The following TENM2 variants were observed in gnomAD, a reference collection of about 807,000 sequenced individuals.
TENM2 encodes the protein teneurin-2.
A neutral mutation model predicts 245.2 loss-of-function variants in TENM2; 52 were observed. That is an observed-to-expected ratio of 0.21 (90% CI 0.17 to 0.27). The LOEUF (loss-of-function observed/expected upper bound fraction) is 0.27. Ranked by LOEUF, TENM2 falls within the 10% of genes least tolerant of loss-of-function variation. The probability of loss-of-function intolerance (pLI) is 1.00; values close to 1 mark genes in which losing one functional copy is unlikely to be tolerated. For missense variants in TENM2, 3,046 were observed against 3,666.8 expected (o/e 0.83, Z 4.37); for synonymous variants, 1,363 against 1,438.9 (o/e 0.95, Z 1.19).
chr5:168,038,913 A>C (rs1336785613), intron 5 of TENM2, among the ~76,000 whole-genome samples: 2 of 152,166 alleles, frequency 1.3e-5, no homozygotes, highest in South Asian at 4.1e-4. Context: ...TGTGGGCTCC[A>C]GAGTTCAGAT....
chr5:167,543,600 A>G (rs2127608330), intron 2 of TENM2, among the ~76,000 whole-genome samples: 1 of 152,328 alleles, frequency 6.6e-6, no homozygotes, highest in African/African-American at 2.4e-5. Context: ...GAGCAACTGC[A>G]ACAAAGTAAC....
chr5:167,878,409 A>C (rs1220523104), intron 3 of TENM2, among the ~76,000 whole-genome samples: 1 of 152,166 alleles, frequency 6.6e-6, no homozygotes, highest in African/African-American at 2.4e-5. Flanking sequence ...GATTTCTTCA[A>C]CTGAGGGAGT....
At chr5:167,646,305 A>C (rs1421731941) in intron 2 of TENM2, among the ~76,000 whole-genome samples, 1 of 149,372 alleles carries the variant, frequency 6.7e-6, no homozygotes, top group Non-Finnish European at 1.5e-5. Context: ...TTCACTGTGT[A>C]ACTATTCTTT....
intron 2 of TENM2, among the ~76,000 whole-genome samples, chr5:167,389,843 A>G (rs886451906): frequency 1.3e-5 from 2 of 152,190 alleles, no homozygotes; most frequent in Non-Finnish European, 2.9e-5. Flanking sequence ...ACGGATCGAA[A>G]TATTTTTATT....
At chr5:167,002,921 A>C in the TENM2 span, among the ~76,000 whole-genome samples, 3 of 152,152 alleles carry the variant, frequency 2.0e-5, no homozygotes, top group Non-Finnish European at 4.4e-5. Flanking sequence ...AATCTCCTTT[A>C]CATGAGAAAT....
At chr5:168,215,003 C>G (rs770300471) in intron 20 of TENM2, 37 bp from the exon 23 acceptor site, 2 of 1,569,196 alleles carry the variant, frequency 1.3e-6, no homozygotes, top group African/African-American at 1.4e-5. Flanking sequence ...GCTCCATAGC[C>G]CCCTCCTCAT....
At chr5:167,088,615 G>A in the TENM2 span, among the ~76,000 whole-genome samples, 1 of 151,042 alleles carries the variant, frequency 6.6e-6, no homozygotes, top group Non-Finnish European at 1.5e-5. Flanking sequence ...TGATAAGAGC[G>A]AGACTCCATC....
At chr5:168,216,732 T>C in intron 21 of TENM2, 36 bp from the exon 24 acceptor site, 1 of 1,612,652 alleles carries the variant, frequency 6.2e-7, no homozygotes, top group Non-Finnish European at 8.5e-7. Flanking sequence ...CCTACACCTT[T>C]CCAAGAGATA....
At chr5:168,030,143 A>C in intron 5 of TENM2, among the ~76,000 whole-genome samples, 1 of 121,824 alleles carries the variant, frequency 8.2e-6, no homozygotes, top group African/African-American at 3.3e-5. Flanking sequence ...CTTTGGCCCA[A>C]GTCTGGTTCT....
exon 21 of TENM2, chr5:168,215,168 A>G: frequency 1.2e-6 from 2 of 1,613,916 alleles, no homozygotes; most frequent in East Asian, 2.2e-5. Flanking sequence ...CTGGCTGGGA[A>G]TTCGGAAGTT....
chr5:167,713,726 A>G (rs748395538), intron 2 of TENM2, among the ~76,000 whole-genome samples: 13 of 152,192 alleles, frequency 8.5e-5, no homozygotes, highest in Non-Finnish European at 1.3e-4. Context: ...ATGCATATGC[A>G]TATTCATGTA....
At chr5:168,216,736 A>T (rs1174390978) in intron 21 of TENM2, 32 bp from the exon 24 acceptor site, 1 of 1,612,308 alleles carries the variant, frequency 6.2e-7, no homozygotes, top group East Asian at 2.2e-5. Flanking sequence ...CACCTTTCCA[A>T]GAGATAAATC....
intron 5 of TENM2, among the ~76,000 whole-genome samples, chr5:168,035,580 A>T (rs138162002): frequency 6.6e-6 from 1 of 152,230 alleles, no homozygotes; most frequent in East Asian, 1.9e-4. Flanking sequence ...TGCAAATGAC[A>T]TTCACAGTAG....
At chr5:168,229,852 A>G (rs1764676562) in intron 25 of TENM2, 1 of 152,226 alleles carries the variant, frequency 6.6e-6, no homozygotes, top group African/African-American at 2.4e-5. Flanking sequence ...TGCAAACTGC[A>G]GTAGCCTCCT....
At chr5:168,246,759 C>T (rs939710218) in exon 27 of TENM2, 2 of 1,613,116 alleles carry the variant, frequency 1.2e-6, no homozygotes, top group Non-Finnish European at 1.7e-6. Context: ...TTCTGCAGTC[C>T]ATGGTCCTCC....
At chr5:166,995,332 C>T in the TENM2 span, among the ~76,000 whole-genome samples, 3 of 151,978 alleles carry the variant, frequency 2.0e-5, no homozygotes, top group Non-Finnish European at 2.9e-5. Flanking sequence ...CTCCCCCTCC[C>T]AGGTTCACGC....
At chr5:167,280,748 A>ATCTGTCTGTCTGTCTG (rs77482566), upstream of TENM2, among the ~76,000 whole-genome samples, 2 of 132,212 alleles carry the variant, frequency 1.5e-5, no homozygotes, top group Non-Finnish European at 3.2e-5. Flanking sequence ...CTGTCTGTCT[A>ATCTGTCTGTCTGTCTG]TCTGTCTGTC....
intron 2 of TENM2, among the ~76,000 whole-genome samples, chr5:167,612,370 G>T (rs1458609450): frequency 6.6e-6 from 1 of 151,912 alleles, no homozygotes; most frequent in Non-Finnish European, 1.5e-5. Flanking sequence ...AGTTAATGTG[G>T]CATTTATTTA....
At chr5:167,912,732 G>A (rs978125085) in intron 3 of TENM2, among the ~76,000 whole-genome samples, 15 of 152,162 alleles carry the variant, frequency 9.9e-5, no homozygotes, top group South Asian at 4.1e-4. Flanking sequence ...GGTCAGTTAC[G>A]TGTTAGGATG....
Sources: gnomAD v4.1 joint callset for allele counts (sites outside exome capture counted in the v4.1 genomes callset) on GRCh38, gnomAD v4.1.1 for gene constraint, MANE v1.5 for transcripts, NCBI Gene and HGNC (gene_info 2026-07-23, HGNC 2026-07-21) for gene names.